Variants in TMEM234 observed in about 807,000 individuals in gnomAD.
TMEM234 encodes chromosome 1 open reading frame 91.
Under a neutral mutation model 17.8 loss-of-function variants are expected in TMEM234, and 21 were observed. The observed-to-expected ratio is 1.18, with a 90% confidence interval of 0.84 to 1.70. The LOEUF is 1.70. TMEM234 is among the 40% of genes most tolerant of loss of function. TMEM234 has a pLI of 0.00. For missense variants in TMEM234, 137 were observed against 166.9 expected (o/e 0.82, Z 0.99); for synonymous variants, 83 against 73.5 (o/e 1.13, Z -0.66).
At chr1:32,214,774 C>T, downstream of TMEM234, 8 of 1,613,514 alleles carry the variant, frequency 5.0e-6, no homozygotes, top group Non-Finnish European at 6.8e-6. Context: ...AATCAGGGTC[C>T]AAGCCCAGTG....
intron 1 of TMEM234, 36 bp downstream of exon 1, chr1:32,222,271 C>A (rs762617573): frequency 6.5e-7 from 1 of 1,534,336 alleles, no homozygotes; most frequent in Non-Finnish European, 8.8e-7. Flanking sequence ...AGGCGAGGGT[C>A]GGGAAATCCA....
chr1:32,219,044 G>A (rs561160525), intron 3 of TMEM234, among the ~76,000 whole-genome samples: 8 of 151,396 alleles, frequency 5.3e-5, no homozygotes, highest in Non-Finnish European at 1.0e-4. Context: ...CCTGGGAGGC[G>A]GAGGTTGCAG....
chr1:32,217,484 A>T, intron 3 of TMEM234, 133 bp from the exon 4 acceptor site: 3 of 1,537,870 alleles, frequency 2.0e-6, no homozygotes, highest in Non-Finnish European at 2.6e-6. Context: ...AGTCACAGCA[A>T]ATCTCAGGAC....
chr1:32,221,735 G>A, intron 2 of TMEM234, 132 bp downstream of exon 2: 2 of 1,244,646 alleles, frequency 1.6e-6, no homozygotes, highest in South Asian at 1.4e-5. Context: ...TGAAACTGAG[G>A]CTCAAGGACA....
intron 3 of TMEM234, among the ~76,000 whole-genome samples, chr1:32,219,115 A>C (rs562551714): frequency 1.0e-3 from 154 of 150,820 alleles, no homozygotes; most frequent in African/African-American, 3.7e-3. Context: ...GCCGTCTCAA[A>C]AAAAAAAAAA....
In TMEM234 at chr1:32,221,931, A is replaced by T; in HGVS notation, c.104T>A (p.Val35Asp). The stretch of plus-strand genomic sequence containing the variant: ...CTGCTGGGCCCAGGTCGGCTCATGA[A>T]CCCGCTGCAGGCCGGCGGAGGCCCG... ...LKRASAGLQR[V>D]HEPTWAQQLL... The change falls in exon 2 of 5, where the codon GTT becomes GAT. Residue 35 changes from valine (V) to aspartate (D), a missense_variant. Transcript: ENST00000309777. 1 of 1,613,080 alleles carries T rather than the reference A, an allele frequency of 6.2e-7. No individual in the cohort carries two copies. The highest frequency in any genetic ancestry group is 8.5e-7 in the Non-Finnish European group (1 of 1,179,960).
At chr1:32,221,750 A>C (rs1284890055) in intron 2 of TMEM234, 117 bp downstream of exon 2, 1 of 1,414,632 alleles carries the variant, frequency 7.1e-7, no homozygotes, top group Non-Finnish European at 9.7e-7. Context: ...AGGACAACTG[A>C]CTTTTCCGAG....
intron 1 of TMEM234, 33 bp downstream of exon 1, chr1:32,222,274 G>T (rs751317162): frequency 6.5e-7 from 1 of 1,535,234 alleles, no homozygotes; most frequent in South Asian, 1.3e-5. Flanking sequence ...CGAGGGTCGG[G>T]AAATCCATGG....
In TMEM234 at chr1:32,216,735, AAG is replaced by A; in HGVS notation, c.*116_*117del. On this transcript the variant is annotated 3_prime_UTR_variant, in exon 5 of 5. Transcript: ENST00000309777. ...TCCATGAGGTAGCTGTTATCCCCAT[AAG>A]AGAGGAGGAAGCTAAGGCCAGAGAG... is the stretch of plus-strand genomic sequence containing the variant. The A allele has an allele frequency of 6.6e-7, 1 of 1,518,456 alleles. No individual in the cohort carries two copies. The highest frequency in any genetic ancestry group is 8.9e-7 in the Non-Finnish European group (1 of 1,128,846). The allele number at this position is 1,518,456 out of a possible 1,614,324, so 94.1% of individuals were successfully genotyped here.
chr1:32,222,282 T>C (rs375823580), intron 1 of TMEM234, 25 bp downstream of exon 1: 16 of 1,541,156 alleles, frequency 1.0e-5, no homozygotes, highest in Non-Finnish European at 1.4e-5. Context: ...GGGAAATCCA[T>C]GGAAGGGCGG....
chr1:32,222,050 C>T (rs776008494), intron 1 of TMEM234, 32 bp from the exon 2 acceptor site: 1 of 1,573,870 alleles, frequency 6.4e-7, no homozygotes, highest in African/African-American at 1.4e-5. Flanking sequence ...ACCCTGACCC[C>T]CACCCCAAAC....
chr1:32,221,977 C>G lies in TMEM234; in HGVS notation c.58G>C (p.Gly20Arg), dbSNP rs1412119229. 3 of 1,612,604 alleles carry G rather than the reference C, an allele frequency of 1.9e-6. No homozygotes were observed. Among genetic ancestry groups the G allele is most frequent in the Admixed American group, 3.3e-5 (2 of 59,974 alleles). The change falls in exon 2 of 5, where the codon GGC (glycine) becomes CGC (arginine). Residue 20 changes from glycine (G) to arginine (R), a missense_variant. Coordinates refer to ENST00000309777, the MANE Select transcript of TMEM234 (RefSeq NM_019118.5). Reference sequence around the variant, plus strand: ...GCCCGCTTCAGCAGCGGCTGCGTGCCACCCCACAGAGCGGCCACCAGCACC... The same window carrying G: ...GCCCGCTTCAGCAGCGGCTGCGTGCGACCCCACAGAGCGGCCACCAGCACC... ...ALVLVAALWGGTQPLLKRASA... is the reference protein window; with the variant it reads ...ALVLVAALWGRTQPLLKRASA...
chr1:32,222,061 G>A, intron 1 of TMEM234, 43 bp from the exon 2 acceptor site: 2 of 1,553,328 alleles, frequency 1.3e-6, no homozygotes, highest in Non-Finnish European at 1.7e-6. Context: ...CACCCCAAAC[G>A]GCCGCCCACC....
downstream of TMEM234, chr1:32,214,593 G>A (rs1643722607): frequency 3.2e-6 from 2 of 633,804 alleles, no homozygotes; most frequent in Non-Finnish European, 2.7e-6. Flanking sequence ...ATCGAGGAGT[G>A]CCAGGCATCT....
intron 3 of TMEM234, among the ~76,000 whole-genome samples, chr1:32,218,240 C>G (rs1458203163): frequency 6.6e-6 from 1 of 151,856 alleles, no homozygotes; most frequent in Admixed American, 6.6e-5. Context: ...GCTTGGCCAA[C>G]ATGGTGAAAC....
intron 2 of TMEM234, among the ~76,000 whole-genome samples, 169 bp from the exon 3 acceptor site, chr1:32,221,366 G>T (rs1050306467): frequency 6.6e-6 from 1 of 152,154 alleles, no homozygotes; most frequent in Non-Finnish European, 1.5e-5. Flanking sequence ...GAAACAGACT[G>T]AAGTCTGTGC....
chr1:32,216,950 G>T lies in TMEM234; in HGVS notation c.329-3C>A, dbSNP rs1451502436. 7 of 1,614,186 alleles carry T rather than the reference G, an allele frequency of 4.3e-6. No individual in the cohort carries two copies. Among genetic ancestry groups the T allele is most frequent in the Admixed American group, 1.7e-5 (1 of 60,026 alleles). The stretch of plus-strand genomic sequence containing the variant: ...GAGCACCATGCCAGCAACTGCTCCT[G>T]GGATAATAGGCAGAAATCAGGAGGG... On this transcript the variant is annotated splice_region_variant and splice_polypyrimidine_tract_variant and intron_variant, in intron 4 of 4. Coordinates refer to ENST00000309777, the MANE Select transcript of TMEM234 (RefSeq NM_019118.5).
downstream of TMEM234, chr1:32,215,488 G>A: frequency 6.2e-7 from 1 of 1,613,732 alleles, no homozygotes; most frequent in Non-Finnish European, 8.5e-7. Context: ...GAGACAGCGG[G>A]GGCCCTGGAA....
At chr1:32,220,707 C>T (rs577645976) in intron 3 of TMEM234, among the ~76,000 whole-genome samples, 43 of 152,288 alleles carry the variant, frequency 2.8e-4, no homozygotes, top group Admixed American at 2.6e-3. Context: ...GGAGCTCTGA[C>T]TGTGTGCCAG....
Sources: gnomAD v4.1 joint callset for allele counts (sites outside exome capture counted in the v4.1 genomes callset) on GRCh38, gnomAD v4.1.1 for gene constraint, MANE v1.5 for transcripts, NCBI Gene and HGNC (gene_info 2026-07-23, HGNC 2026-07-21) for gene names.